UBR1: variants seen among roughly 807,000 people sequenced by gnomAD.
UBR1 encodes the protein E3 ubiquitin-protein ligase UBR1.
UBR1 carries 102 observed loss-of-function variants against 242.1 expected under a neutral mutation model. The ratio of observed to expected loss-of-function variants is 0.42; its 90% confidence interval spans 0.36 to 0.50. The LOEUF (loss-of-function observed/expected upper bound fraction) is 0.50, where lower values mean the gene tolerates loss of function less well. Among genes scored for constraint, UBR1 ranks in the 20% least tolerant of loss-of-function variants. UBR1 has a pLI of 0.01. For missense variants in UBR1, 1,772 were observed against 2,101.8 expected, an observed-to-expected ratio of 0.84 and a Z score of 3.07; for synonymous variants, 675 against 684.8, an observed-to-expected ratio of 0.99 and a Z score of 0.22.
At chr15:43,018,306 C>T (rs192463089) in intron 27 of UBR1, among the ~76,000 whole-genome samples, 1 of 152,090 alleles carries the variant, frequency 6.6e-6, no homozygotes, top group Non-Finnish European at 1.5e-5. Context: ...CAGCTATCCT[C>T]GGAGACATTT....
rs777831990 is a variant in UBR1 at position 42,976,741 on chromosome 15, G to C, written c.4345C>G (p.Gln1449Glu). 7 of 1,614,048 alleles carry C rather than the reference G, an allele frequency of 4.3e-6. No individual in the cohort carries two copies. The East Asian group carries it at 1.3e-4, about 31-fold the overall frequency. ...CCTGTGTCTACTGTAAGTAGTATCT[G>C]AAGCATGTGTGCCATGGTGATCAAA... ...FHLITMAHML[Q>E]ILLTVDTGLP... is the part of the protein sequence containing the mutation. Residue 1449 changes from glutamine (Q) to glutamate (E), a missense_variant, in exon 39 of 47, where the codon CAG becomes GAG. Coordinates refer to ENST00000290650, the MANE Select transcript of UBR1 (RefSeq NM_174916.3).
At chr15:43,029,180 A>C (rs2033220652) in intron 21 of UBR1, among the ~76,000 whole-genome samples, 2 of 151,870 alleles carry the variant, frequency 1.3e-5, no homozygotes, top group Admixed American at 1.3e-4. Context: ...CAGCACAAAT[A>C]AGTATAATTA....
chr15:43,069,281 ATT>A (rs772816969), intron 5 of UBR1, among the ~76,000 whole-genome samples: 8 of 142,762 alleles, frequency 5.6e-5, no homozygotes, highest in Admixed American at 7.0e-5. Flanking sequence ...TGTGTTCAGT[ATT>A]TTTTTTTTTT....
chr15:43,025,039 G>T, intron 24 of UBR1, 56 bp from the exon 25 acceptor site: 1 of 1,603,228 alleles, frequency 6.2e-7, no homozygotes, highest in Non-Finnish European at 8.5e-7. Flanking sequence ...TTTTTATTTG[G>T]GTTATCCTAC....
At chr15:43,012,014 C>A (rs1002062979) in intron 29 of UBR1, 5 of 420,496 alleles carry the variant, frequency 1.2e-5, no homozygotes, top group African/African-American at 2.1e-5. Context: ...ATCATGAGGT[C>A]AGGAGATCAA....
intron 27 of UBR1, among the ~76,000 whole-genome samples, chr15:43,018,510 C>A (rs2033061141): frequency 6.6e-6 from 1 of 152,184 alleles, no homozygotes. Flanking sequence ...ACCTCAGCCT[C>A]TCAAGTAGCT....
At chr15:42,965,869 T>G (rs1304875475) in intron 41 of UBR1, among the ~76,000 whole-genome samples, 1 of 152,236 alleles carries the variant, frequency 6.6e-6, no homozygotes, top group Non-Finnish European at 1.5e-5. Flanking sequence ...TAATTTCTTG[T>G]ATAGCATATC....
intron 33 of UBR1, among the ~76,000 whole-genome samples, 175 bp downstream of exon 33, chr15:42,997,993 C>T (rs563222997): frequency 1.9e-4 from 29 of 152,156 alleles, no homozygotes; most frequent in South Asian, 1.9e-3. Flanking sequence ...GTATGAAAAA[C>T]GATTAAATTT....
At chr15:42,996,201 T>C (rs1368247588) in intron 33 of UBR1, among the ~76,000 whole-genome samples, 2 of 152,240 alleles carry the variant, frequency 1.3e-5, no homozygotes, top group African/African-American at 4.8e-5. Flanking sequence ...TATTGTTTTA[T>C]ACTATAAAAT....
At chr15:43,002,753 C>G (rs755858700) in intron 31 of UBR1, 49 bp from the exon 32 acceptor site, 1 of 1,603,492 alleles carries the variant, frequency 6.2e-7, no homozygotes, top group South Asian at 1.1e-5. Flanking sequence ...ACATGCATCT[C>G]TACATGTGTA....
At chr15:42,949,816 A>G (rs2141248340) in intron 46 of UBR1, among the ~76,000 whole-genome samples, 1 of 151,644 alleles carries the variant, frequency 6.6e-6, no homozygotes, top group African/African-American at 2.4e-5. Flanking sequence ...AAATAAATAA[A>G]TAAATAATAA....
chr15:43,013,616 T>C (rs1251938236), intron 29 of UBR1, among the ~76,000 whole-genome samples: 1 of 152,178 alleles, frequency 6.6e-6, no homozygotes, highest in Non-Finnish European at 1.5e-5. Context: ...TACCTAAAAG[T>C]GCTAATGCAC....
chr15:43,035,180 A>C (rs958497319), intron 19 of UBR1, among the ~76,000 whole-genome samples: 5 of 152,228 alleles, frequency 3.3e-5, no homozygotes, highest in Non-Finnish European at 5.9e-5. Flanking sequence ...AGCAGATTAC[A>C]AAACAGCACA....
chr15:42,964,469 C>CA (rs953721567), intron 41 of UBR1, among the ~76,000 whole-genome samples: 53 of 148,874 alleles, frequency 3.6e-4, no homozygotes, highest in South Asian at 1.5e-3. Context: ...AACTCCGTCT[C>CA]AAAAAAAAAC....
At chr15:42,958,122 TAGAGTAAATAACCCC>T in intron 43 of UBR1, 32 bp from the exon 44 acceptor site, 1 of 1,528,148 alleles carries the variant, frequency 6.5e-7, no homozygotes, top group South Asian at 1.1e-5. Context: ...AATTTTATTT[TAGAGTAAATAACCCC>T]AGATCAAAAA....
rs1567148551 is a variant in UBR1 at position 43,086,249 on chromosome 15, A to G, written c.82-9T>C. 6.2e-7 allele frequency: 1 copy of G among 1,613,618 alleles called. No individual in the cohort carries two copies. Among genetic ancestry groups the G allele is most frequent in the Non-Finnish European group, 8.5e-7 (1 of 1,179,934 alleles). On this transcript the variant is annotated splice_polypyrimidine_tract_variant and intron_variant, in intron 1 of 46. Transcript: ENST00000290650. ...ACTTGCTGATCCCACCACTAAAAGA[A>G]AAGAAGATGAAAATTAGACTGACTT...
chr15:42,946,614 A>G (rs1205411537), intron 46 of UBR1, among the ~76,000 whole-genome samples: 1 of 152,198 alleles, frequency 6.6e-6, no homozygotes, highest in African/African-American at 2.4e-5. Context: ...CCCATCTAAT[A>G]AGTGTATTCT....
chr15:43,056,754 T>C (rs1209029498), intron 10 of UBR1, among the ~76,000 whole-genome samples: 1 of 152,164 alleles, frequency 6.6e-6, no homozygotes, highest in Non-Finnish European at 1.5e-5. Flanking sequence ...TAGTTTATCC[T>C]TTCTCCAAAC....
At chr15:43,058,212 G>A in intron 10 of UBR1, 129 bp downstream of exon 10, 2 of 764,804 alleles carry the variant, frequency 2.6e-6, no homozygotes, top group Non-Finnish European at 2.1e-6. Context: ...GCAGGGCCAA[G>A]AACAAACTTT....
Sources: allele counts gnomAD v4.1 joint callset (sites outside exome capture counted in the v4.1 genomes callset), GRCh38; gene constraint gnomAD v4.1.1; transcripts MANE v1.5; gene names NCBI Gene and HGNC (gene_info 2026-07-23, HGNC 2026-07-21).